The following MRS2 variants were observed in gnomAD, a reference collection of about 807,000 sequenced individuals.
MRS2 encodes magnesium transporter MRS2, also known as magnesium transporter MRS2 homolog, mitochondrial.
MRS2 carries 40 observed loss-of-function variants against 52.6 expected under a neutral mutation model. The ratio of observed to expected loss-of-function variants is 0.76; its 90% confidence interval spans 0.59 to 0.99. The LOEUF is 0.99. MRS2 is among the 50% of genes least tolerant of loss of function. The pLI is 0.00. For missense variants in MRS2, 472 were observed against 532.7 expected (o/e 0.89, Z 1.12); for synonymous variants, 193 against 195.9 (o/e 0.98, Z 0.13).
rs1761543889 is a variant in MRS2, at chr6:24,408,399, T to C, written c.265-9T>C. ...GAAAATCATAATTTGTTTTATTCTC[T>C]ATTTTCAGACAAAATTTGACAAACA... On this transcript the variant is annotated splice_polypyrimidine_tract_variant and intron_variant, in intron 2 of 10. Transcript: ENST00000378386. 1.3e-6 allele frequency: 2 copies of C among 1,550,590 alleles called. No individual in the cohort carries two copies. The highest frequency in any genetic ancestry group is 1.4e-5 in the African/African-American group (1 of 73,518).
Position 24,416,471 on chromosome 6 carries a change from T to C in MRS2, c.794T>C (p.Leu265Pro), listed in dbSNP as rs1761853907. The C allele has an allele frequency of 4.4e-6, 7 of 1,604,918 alleles. No homozygotes were observed. The highest frequency in any genetic ancestry group is 6.0e-6 in the Non-Finnish European group (7 of 1,172,548). Reference protein sequence around the residue: ...ILEILDEEELLEELCVSKWSD... With the variant: ...ILEILDEEELPEELCVSKWSD... The stretch of plus-strand genomic sequence containing the variant: ...GAGATCTTGGATGAGGAAGAGTTGC[T>C]AGAAGAGCTCTGTGTATCAAAATGG... The change falls in exon 7 of 11, where the codon CTA becomes CCA. Residue 265 changes from leucine to proline, a missense_variant. Transcript: ENST00000378386.
At position 24,425,590 on chromosome 6, in the gene MRS2, ATG is replaced by A. The variant is rs1193473565; in HGVS notation, c.*1897_*1898del. ...ATAAATCAGCTTATGCCAAAAATAT[ATG>A]AAGTTCCTTGGTTTTAAATTTTGAA... On this transcript the variant is annotated 3_prime_UTR_variant, in exon 11 of 11. Transcript: ENST00000378386. 6.6e-6 allele frequency: 1 copy of A among 152,246 alleles called. No individual in the cohort carries two copies. The highest frequency in any genetic ancestry group is 1.9e-4 in the East Asian group (1 of 5,204). 9.4% of individuals were successfully genotyped at this position (152,246 alleles called of 1,614,324 possible).
rs1247394936 is a variant in MRS2 at position 24,415,149 on chromosome 6, A to G, written c.705A>G (p.Leu235=). ...ACAGAAGCAAACTGCACATTTTACT[A>G]CAGAATGGCAAAAGGTAAATATGGA... The part of the protein sequence containing the change: ...SVDRSKLHIL[L]QNGKSLSELE... The change falls in exon 6 of 11, where the codon CTA becomes CTG. Residue 235 remains leucine (L), a synonymous_variant. Transcript: ENST00000378386. The G allele has an allele frequency of 6.3e-7, 1 of 1,592,984 alleles. No homozygotes were observed. Among genetic ancestry groups the G allele is most frequent in the Admixed American group, 1.7e-5 (1 of 59,576 alleles).
In MRS2 at chr6:24,418,061, ATTATT is replaced by A; in HGVS notation, c.837-20_837-16del. 1 of 1,598,968 alleles carries A rather than the reference ATTATT, an allele frequency of 6.3e-7. No homozygotes were observed. Among genetic ancestry groups the A allele is most frequent in the Non-Finnish European group, 8.5e-7 (1 of 1,174,144 alleles). ...TGATACACATGTTGGGAGTATGTTA[ATTATT>A]TTCTCTTTTAATTGAAGTGAAAAGA... On this transcript the variant is annotated intron_variant, in intron 7 of 10. Transcript: ENST00000378386.
In MRS2 at chr6:24,418,239, A is replaced by G; in HGVS notation, c.989+3A>G. The G allele has an allele frequency of 6.3e-7, 1 of 1,577,928 alleles. No individual in the cohort carries two copies. The highest frequency in any genetic ancestry group is 2.0e-5 in the Admixed American group (1 of 50,578). On this transcript the variant is annotated splice_donor_region_variant and intron_variant, in intron 8 of 10. Transcript: ENST00000378386. ...ATTATTTTCATTAATCTGGACAGGT[A>G]AGAAAGCATTATATAAAACTAAGTT... is the stretch of plus-strand genomic sequence containing the variant.
rs1352379572 is a variant in MRS2 at position 24,424,232 on chromosome 6, A to T, written c.*538A>T. ...TTGTATTTGCCCCCTTTTTTTTATA[A>T]AAGGTGAATAAAAAGAAATAATTTA... On this transcript the variant is annotated 3_prime_UTR_variant, in exon 11 of 11. Coordinates refer to ENST00000378386, the MANE Select transcript of MRS2 (RefSeq NM_020662.4). The T allele has an allele frequency of 2.0e-5, 3 of 151,934 alleles. No individual in the cohort carries two copies. The highest frequency in any genetic ancestry group is 4.4e-5 in the Non-Finnish European group (3 of 68,026). The allele number at this position is 151,934 out of a possible 1,614,324, so 9.4% of individuals were successfully genotyped here.
chr6:24,407,754 G>T (rs1405046365), intron 2 of MRS2, among the ~76,000 whole-genome samples: 1 of 152,168 alleles, frequency 6.6e-6, no homozygotes, highest in Non-Finnish European at 1.5e-5. Context: ...TACTCAGAAG[G>T]ATAAGGGACA....
chr6:24,411,725 G>C (rs1330586532), intron 4 of MRS2, among the ~76,000 whole-genome samples: 1 of 152,090 alleles, frequency 6.6e-6, no homozygotes, highest in Non-Finnish European at 1.5e-5. Context: ...TTTTAGTAGA[G>C]ACGGGGTTTC....
intron 1 of MRS2, 25 bp downstream of exon 1, chr6:24,403,261 C>T (rs756057615): frequency 2.5e-6 from 4 of 1,570,890 alleles, no homozygotes; most frequent in East Asian, 4.5e-5. Flanking sequence ...CGGCAACAGC[C>T]TTGGGACGCT....
chr6:24,416,269 TTA>T, intron 6 of MRS2, 126 bp from the exon 7 acceptor site: 2 of 490,958 alleles, frequency 4.1e-6, no homozygotes, highest in Non-Finnish European at 7.2e-6. Flanking sequence ...TTTTTTTTTT[TTA>T]AATAAGTCAT....
chr6:24,410,705 TC>T (rs1761620100), intron 4 of MRS2: 1 of 1,499,882 alleles, frequency 6.7e-7, no homozygotes, highest in African/African-American at 1.4e-5. Flanking sequence ...GAAGCAGTCT[TC>T]TCCCATGTGA....
rs188240081 is a variant in MRS2, at chr6:24,406,604, T to C, written c.264+1363T>C. 6.1e-4 allele frequency among the ~76,000 whole-genome samples: 93 copies of C among 152,148 alleles called. 1 individual carries two copies. Among genetic ancestry groups the C allele is most frequent in the Admixed American group, 2.4e-3 (36 of 15,274 alleles). ...GCCTGACCAACATGGTGAAACCCCG[T>C]CTCTACTAAAAAACAAAAAAATTAG... On this transcript the variant is annotated intron_variant, in intron 2 of 10. Coordinates refer to ENST00000378386, the MANE Select transcript of MRS2 (RefSeq NM_020662.4).
In MRS2 at chr6:24,409,453, T is replaced by G; in HGVS notation, c.302-8T>G. Reference sequence around the variant, plus strand: ...TGGTTTAGCCCTCTCTGTTTATTTCTTTTATAGAAAGGAAGAAAACTGAAT... The same window carrying G: ...TGGTTTAGCCCTCTCTGTTTATTTCGTTTATAGAAAGGAAGAAAACTGAAT... On this transcript the variant is annotated splice_polypyrimidine_tract_variant and splice_region_variant and intron_variant, in intron 3 of 10. Coordinates refer to ENST00000378386, the MANE Select transcript of MRS2 (RefSeq NM_020662.4). 1 of 1,563,574 alleles carries G rather than the reference T, an allele frequency of 6.4e-7. No homozygotes were observed. The highest frequency in any genetic ancestry group is 8.8e-7 in the Non-Finnish European group (1 of 1,140,116).
At chr6:24,406,270 T>G (rs947860403) in intron 2 of MRS2, among the ~76,000 whole-genome samples, 6 of 152,224 alleles carry the variant, frequency 3.9e-5, no homozygotes, top group Non-Finnish European at 8.8e-5. Flanking sequence ...AGAATTGTTA[T>G]GAGGATTAAA....
intron 5 of MRS2, among the ~76,000 whole-genome samples, chr6:24,414,621 A>T (rs937659304): frequency 5.3e-5 from 8 of 152,090 alleles, no homozygotes; most frequent in African/African-American, 1.9e-4. Flanking sequence ...TATTCGACAA[A>T]ACCGCCATCA....
chr6:24,403,384 C>G, intron 1 of MRS2, 148 bp downstream of exon 1: 1 of 760,262 alleles, frequency 1.3e-6, no homozygotes, highest in South Asian at 2.0e-5. Context: ...TGCACAGGCC[C>G]GCGGGCCGAG....
At chr6:24,405,062 AAT>A in intron 1 of MRS2, 104 bp from the exon 2 acceptor site, 1 of 655,132 alleles carries the variant, frequency 1.5e-6, no homozygotes, top group South Asian at 2.1e-5. Flanking sequence ...AATATTTAAA[AAT>A]AATAAAATAG....
chr6:24,405,352 T>A, intron 2 of MRS2, 111 bp downstream of exon 2: 1 of 765,230 alleles, frequency 1.3e-6, no homozygotes, highest in Non-Finnish European at 2.2e-6. Context: ...ATAATCATCA[T>A]AGCTACATGT....
At position 24,402,968 on chromosome 6, in the gene MRS2, T is replaced by A; in HGVS notation, c.-79T>A. On this transcript the variant is annotated 5_prime_UTR_variant, in exon 1 of 11. Coordinates refer to ENST00000378386, the MANE Select transcript of MRS2 (RefSeq NM_020662.4). ...CTGCAGGTCGGGCGGTAGCGACAGG[T>A]CAGAGCTGCGGCCTGAGCAGCCAGC... is the stretch of plus-strand genomic sequence containing the variant. The A allele has an allele frequency of 7.3e-7, 1 of 1,376,116 alleles. No individual in the cohort carries two copies. The highest frequency in any genetic ancestry group is 9.8e-7 in the Non-Finnish European group (1 of 1,023,978). 85.2% of individuals were successfully genotyped at this position (1,376,116 alleles called of 1,614,324 possible).
Sources: allele counts gnomAD v4.1 joint callset (sites outside exome capture counted in the v4.1 genomes callset), GRCh38; gene constraint gnomAD v4.1.1; transcripts MANE v1.5; gene names NCBI Gene and HGNC (gene_info 2026-07-23, HGNC 2026-07-21).